The following CDK12 variants were observed in gnomAD, a reference collection of about 807,000 sequenced individuals.
CDK12 encodes the protein cyclin-dependent kinase 12.
In CDK12, 17 loss-of-function variants were observed where a neutral mutation model predicts 133.8. The observed-to-expected ratio is 0.13, with a 90% CI of 0.09 to 0.19. The LOEUF (loss-of-function observed/expected upper bound fraction) is 0.19, where lower values mean the gene tolerates loss of function less well. Ranked by LOEUF, CDK12 falls within the 10% of genes least tolerant of loss-of-function variation. The pLI, the probability that CDK12 is intolerant of heterozygous loss-of-function variation, is 1.00. For missense variants in CDK12, 1,508 were observed against 1,818.7 expected, an observed-to-expected ratio of 0.83 and a Z score of 3.11; for synonymous variants, 694 against 683.6, an observed-to-expected ratio of 1.02 and a Z score of -0.24.
chr17:39,482,984 C>T lies in CDK12; in HGVS notation c.1932-7573C>T, dbSNP rs186775607. 3.6e-3 allele frequency among the ~76,000 whole-genome samples: 538 copies of T among 150,008 alleles called. 15 individuals carry two copies. The highest frequency in any genetic ancestry group is 0.029 in the Admixed American group (437 of 14,974). On this transcript the variant is annotated intron_variant, in intron 2 of 13. Transcript: ENST00000447079. ...CTGGAGTACAGTGGCATGATCTCGG[C>T]TCACTGCAACCTTCGCCTCCTGGAT...
intron 2 of CDK12, among the ~76,000 whole-genome samples, chr17:39,476,711 C>CCTTTTTTTTTTTTT (rs1555553398): frequency 1.2e-5 from 1 of 84,516 alleles, no homozygotes; most frequent in Non-Finnish European, 2.1e-5. Context: ...CCATGCCTGC[C>CCTTTTTTTTTTTTT]TTTTTTTTTT....
intron 3 of CDK12, among the ~76,000 whole-genome samples, chr17:39,561,444 T>C (rs1360992494): frequency 1.3e-5 from 2 of 152,188 alleles, no homozygotes; most frequent in African/African-American, 4.8e-5. Flanking sequence ...GCCAGTTCAG[T>C]GCTTAGTGCT....
chr17:39,562,472 C>T (rs2056407682), intron 3 of CDK12, among the ~76,000 whole-genome samples: 1 of 152,132 alleles, frequency 6.6e-6, no homozygotes, highest in Non-Finnish European at 1.5e-5. Flanking sequence ...CAAGACCCCT[C>T]CCTGCCTTGT....
At position 39,530,625 on chromosome 17, in the gene CDK12, C is replaced by T. The variant is rs1163634294; in HGVS notation, c.3782C>T (p.Pro1261Leu). Residue 1261 changes from proline to leucine, a missense_variant, in exon 14 of 14, where the codon CCA becomes CTA. By Grantham distance (98) the Pro-to-Leu change is moderately conservative (BLOSUM62 -3). Around this residue, in one of 9 missense-constraint regions of CDK12, gnomAD observed 399 missense variants for 469.6 expected, o/e 0.85. Transcript: ENST00000447079. Reference sequence around the variant, plus strand: ...ACAGCATGTCCTCCTCACATTCTTCCACCAGAGAAGAGGCCCCCTGAGCCC... The same window carrying T: ...ACAGCATGTCCTCCTCACATTCTTCTACCAGAGAAGAGGCCCCCTGAGCCC... ...EAAACPPHIL[P>L]PEKRPPEPPG... The T allele has an allele frequency of 1.2e-6, 2 of 1,600,564 alleles. No individual in the cohort carries two copies. The highest frequency in any genetic ancestry group is 1.7e-6 in the Non-Finnish European group (2 of 1,172,132).
chr17:39,522,103 G>GT (rs930326816), intron 11 of CDK12, among the ~76,000 whole-genome samples: 8 of 151,410 alleles, frequency 5.3e-5, no homozygotes, highest in Middle Eastern at 3.2e-3. Flanking sequence ...GTTTTTTGGG[G>GT]TTTTTTTTGT....
At chr17:39,480,264 CTT>C (rs111244983) in intron 2 of CDK12, among the ~76,000 whole-genome samples, 9 of 132,156 alleles carry the variant, frequency 6.8e-5, no homozygotes, top group African/African-American at 1.4e-4. Flanking sequence ...TGAAACTTTA[CTT>C]TTTTTTTTTT....
chr17:39,557,427 G>A (rs2056201609), intron 3 of CDK12, among the ~76,000 whole-genome samples: 1 of 152,122 alleles, frequency 6.6e-6, no homozygotes, highest in Admixed American at 6.5e-5. Context: ...AGACTGAGAA[G>A]ATGGAGGCAT....
At chr17:39,478,878 T>C (rs1383778422) in intron 2 of CDK12, among the ~76,000 whole-genome samples, 1 of 152,096 alleles carries the variant, frequency 6.6e-6, no homozygotes, top group Non-Finnish European at 1.5e-5. Context: ...TTATTTTAAA[T>C]TCATGATGTG....
intron 8 of CDK12, among the ~76,000 whole-genome samples, chr17:39,514,720 A>G: frequency 6.6e-6 from 1 of 152,292 alleles, no homozygotes; most frequent in East Asian, 1.9e-4. Context: ...GCCTTATCAA[A>G]TTCATTCAAT....
At chr17:39,504,893 A>AAAC (rs1704617991) in intron 6 of CDK12, among the ~76,000 whole-genome samples, 3 of 150,416 alleles carry the variant, frequency 2.0e-5, no homozygotes, top group Non-Finnish European at 4.4e-5. Context: ...AAAAAAAAAA[A>AAAC]AAAAAACGCT....
Position 39,554,002 on chromosome 17 carries a change from T to A in CDK12, n.357-2284T>A, listed in dbSNP as rs2056055906. Among the ~76,000 whole-genome samples, 3 of 152,008 alleles carry A rather than the reference T, an allele frequency of 2.0e-5. No homozygotes were observed. The South Asian group carries it at 6.2e-4, about 32-fold the overall frequency. ...GAAGCTGAGCATTCCCAGTGAGAGGTATCTCAGTGAGGAAAGGATAGGAGA... is the reference window on the plus strand; with the variant it reads ...GAAGCTGAGCATTCCCAGTGAGAGGAATCTCAGTGAGGAAAGGATAGGAGA... On this transcript the variant is annotated intron_variant and non_coding_transcript_variant, in intron 2 of 3. Transcript: ENST00000558240.
At chr17:39,521,704 C>T (rs1386649340) in intron 11 of CDK12, among the ~76,000 whole-genome samples, 2 of 151,856 alleles carry the variant, frequency 1.3e-5, no homozygotes, top group Non-Finnish European at 2.9e-5. Context: ...GGATTATAGG[C>T]GCAGGCCACC....
chr17:39,479,288 A>G (rs987810998), intron 2 of CDK12, among the ~76,000 whole-genome samples: 15 of 2,424 alleles, frequency 6.2e-3, no homozygotes, highest in South Asian at 0.047. Context: ...AGCCTGGGCG[A>G]CAAGAGCGAG....
At chr17:39,468,305 A>T (rs1340216285) in intron 1 of CDK12, among the ~76,000 whole-genome samples, 2 of 152,084 alleles carry the variant, frequency 1.3e-5, no homozygotes, top group African/African-American at 4.8e-5. Flanking sequence ...CCTTACACAT[A>T]TATGTTGTTT....
chr17:39,463,177 C>A, intron 1 of CDK12, 60 bp downstream of exon 1: 1 of 1,462,692 alleles, frequency 6.8e-7, no homozygotes, highest in South Asian at 1.2e-5. Context: ...AATTGGCATT[C>A]AGCGTGTTAA....
intron 2 of CDK12, among the ~76,000 whole-genome samples, chr17:39,481,937 G>T (rs1252828689): frequency 1.3e-5 from 2 of 149,908 alleles, no homozygotes; most frequent in Non-Finnish European, 3.0e-5. Flanking sequence ...GGCCAGGCTG[G>T]TCTCAAACTC....
At chr17:39,506,306 C>T (rs984021041) in intron 6 of CDK12, among the ~76,000 whole-genome samples, 6 of 149,578 alleles carry the variant, frequency 4.0e-5, no homozygotes, top group African/African-American at 1.5e-4. Flanking sequence ...ACCTCTGCCT[C>T]CCGGTTCAAG....
At chr17:39,566,411 T>C (rs1288042847), downstream of CDK12, among the ~76,000 whole-genome samples, 1 of 152,098 alleles carries the variant, frequency 6.6e-6, no homozygotes, top group Non-Finnish European at 1.5e-5. Context: ...CGTGCAGTGT[T>C]GTCCCTATCA....
intron 3 of CDK12, among the ~76,000 whole-genome samples, chr17:39,491,266 C>T (rs1325251700): frequency 2.0e-5 from 3 of 151,998 alleles, no homozygotes; most frequent in Non-Finnish European, 4.4e-5. Flanking sequence ...GACAGAGTTG[C>T]GTTCTTTGTT....
Sources: gnomAD v4.1 joint callset for allele counts (sites outside exome capture counted in the v4.1 genomes callset) on GRCh38, gnomAD v4.1.1 for gene constraint, gnomAD v4.1.1 regional missense constraint, MANE v1.5 for transcripts, NCBI Gene and HGNC (gene_info 2026-07-23, HGNC 2026-07-21) for gene names.